GALNT13: variants seen among roughly 807,000 people sequenced by gnomAD.
GALNT13 encodes polypeptide N-acetylgalactosaminyltransferase 13.
A neutral mutation model predicts 64.2 loss-of-function variants in GALNT13; 28 were observed. The observed-to-expected ratio is 0.44, with a 90% CI of 0.32 to 0.60. GALNT13 has a LOEUF of 0.60. Among genes scored for constraint, GALNT13 ranks in the 20% least tolerant of loss-of-function variants. GALNT13 has a pLI of 0.05. For missense variants in GALNT13, 577 were observed against 669.8 expected, an observed-to-expected ratio of 0.86 and a Z score of 1.53; for synonymous variants, 214 against 224.6, an observed-to-expected ratio of 0.95 and a Z score of 0.42.
the GALNT13 span, among the ~76,000 whole-genome samples, chr2:153,172,856 C>T: frequency 6.6e-6 from 1 of 152,180 alleles, no homozygotes; most frequent in Admixed American, 6.5e-5. Flanking sequence ...TGATCTAAAA[C>T]AAACATTATT....
chr2:153,510,469 T>A, the GALNT13 span, among the ~76,000 whole-genome samples: 1 of 152,122 alleles, frequency 6.6e-6, no homozygotes, highest in African/African-American at 2.4e-5. Context: ...CTGAGAAGAC[T>A]GGAAACAAAC....
the GALNT13 span, among the ~76,000 whole-genome samples, chr2:153,862,416 G>A: frequency 6.6e-6 from 1 of 152,074 alleles, no homozygotes; most frequent in African/African-American, 2.4e-5. Flanking sequence ...TGTGAAGGGT[G>A]AATTCTCATG....
At chr2:154,378,211 C>G (rs915656888) in intron 9 of GALNT13, among the ~76,000 whole-genome samples, 5 of 152,002 alleles carry the variant, frequency 3.3e-5, no homozygotes, top group Admixed American at 2.6e-4. Flanking sequence ...TCACTGGGAT[C>G]GCAGGAGGAG....
the GALNT13 span, among the ~76,000 whole-genome samples, chr2:153,591,812 T>C: frequency 6.6e-6 from 1 of 151,770 alleles, no homozygotes; most frequent in Non-Finnish European, 1.5e-5. Context: ...GCAATAAAAA[T>C]AAAAACAGAC....
chr2:153,131,509 G>A, the GALNT13 span, among the ~76,000 whole-genome samples: 20 of 151,744 alleles, frequency 1.3e-4, no homozygotes, highest in East Asian at 2.0e-3. Context: ...GGATGGCCAC[G>A]TGCCCAAAGA....
the GALNT13 span, among the ~76,000 whole-genome samples, chr2:153,723,007 A>G: frequency 6.6e-6 from 1 of 152,140 alleles, no homozygotes; most frequent in Non-Finnish European, 1.5e-5. Context: ...ACCAAAAGAG[A>G]GAATTTAGAA....
chr2:153,847,160 C>A, the GALNT13 span, among the ~76,000 whole-genome samples: 1 of 151,840 alleles, frequency 6.6e-6, no homozygotes, highest in African/African-American at 2.4e-5. Flanking sequence ...ACACCTTTCA[C>A]AATGACAAAG....
the GALNT13 span, among the ~76,000 whole-genome samples, chr2:153,621,528 C>T: frequency 6.6e-6 from 1 of 152,114 alleles, no homozygotes; most frequent in Non-Finnish European, 1.5e-5. Flanking sequence ...GTGTCCTTCC[C>T]TTCAGGGCAG....
intron 8 of GALNT13, among the ~76,000 whole-genome samples, chr2:154,276,380 T>G (rs942192922): frequency 3.3e-5 from 5 of 151,878 alleles, no homozygotes; most frequent in Non-Finnish European, 5.9e-5. Context: ...CCACCACATC[T>G]GGTTAATTTT....
At chr2:153,097,233 T>A in the GALNT13 span, among the ~76,000 whole-genome samples, 2 of 152,110 alleles carry the variant, frequency 1.3e-5, no homozygotes, top group African/African-American at 4.8e-5. Context: ...TCTTGAAAAA[T>A]TGTTGTAATT....
At chr2:153,857,423 C>A in the GALNT13 span, among the ~76,000 whole-genome samples, 1 of 150,728 alleles carries the variant, frequency 6.6e-6, no homozygotes, top group Non-Finnish European at 1.5e-5. Flanking sequence ...ACTGTAATTT[C>A]AAAAAAAAAT....
chr2:153,233,684 C>T, the GALNT13 span, among the ~76,000 whole-genome samples: 1 of 152,160 alleles, frequency 6.6e-6, no homozygotes, highest in East Asian at 1.9e-4. Flanking sequence ...AATATATTTA[C>T]ATTAAATGAA....
At chr2:154,338,494 T>C (rs1184031508) in intron 9 of GALNT13, among the ~76,000 whole-genome samples, 1 of 152,046 alleles carries the variant, frequency 6.6e-6, no homozygotes, top group African/African-American at 2.4e-5. Context: ...GAAATTACTA[T>C]CTTGAAGGAG....
At chr2:153,325,982 G>C in the GALNT13 span, among the ~76,000 whole-genome samples, 190 of 152,272 alleles carry the variant, frequency 1.2e-3, 1 homozygote, top group African/African-American at 4.4e-3. Context: ...TGTTGATTTG[G>C]GGTGGAGAGT....
At chr2:153,714,976 T>C in the GALNT13 span, among the ~76,000 whole-genome samples, 1 of 152,186 alleles carries the variant, frequency 6.6e-6, no homozygotes, top group Non-Finnish European at 1.5e-5. Context: ...TTTTACAATC[T>C]TTTTCTTTAG....
chr2:153,395,345 TG>T, the GALNT13 span, among the ~76,000 whole-genome samples: 1 of 152,088 alleles, frequency 6.6e-6, no homozygotes, highest in Non-Finnish European at 1.5e-5. Flanking sequence ...GAGTCACGGT[TG>T]TACAGAATAG....
At chr2:153,405,695 C>T in the GALNT13 span, among the ~76,000 whole-genome samples, 6 of 152,126 alleles carry the variant, frequency 3.9e-5, no homozygotes, top group Non-Finnish European at 7.4e-5. Context: ...ATTAGAATTT[C>T]TGCTAGTCAA....
At chr2:154,297,833 GT>G (rs1289619775) in intron 8 of GALNT13, among the ~76,000 whole-genome samples, 4 of 152,010 alleles carry the variant, frequency 2.6e-5, no homozygotes, top group African/African-American at 9.6e-5. Flanking sequence ...GTATTTATTG[GT>G]TTGACTATCT....
At chr2:153,632,644 T>C in the GALNT13 span, among the ~76,000 whole-genome samples, 4 of 152,206 alleles carry the variant, frequency 2.6e-5, no homozygotes, top group Admixed American at 6.5e-5. Flanking sequence ...ATTTGAATCA[T>C]ATAGCATGTA....
Sources: allele counts gnomAD v4.1 joint callset (sites outside exome capture counted in the v4.1 genomes callset), GRCh38; gene constraint gnomAD v4.1.1; transcripts MANE v1.5; gene names NCBI Gene and HGNC (gene_info 2026-07-23, HGNC 2026-07-21).